Variants in TACR3 observed in about 807,000 individuals in gnomAD.
TACR3 encodes the protein neuromedin-K receptor.
A neutral mutation model predicts 35.0 loss-of-function variants in TACR3; 34 were observed. The ratio of observed to expected loss-of-function variants is 0.97; its 90% CI spans 0.74 to 1.30. TACR3 has a LOEUF of 1.30. Among genes scored for constraint, TACR3 ranks in the 50% most tolerant of loss-of-function variants. The pLI is 0.00. For missense variants in TACR3, 558 were observed against 591.7 expected, an observed-to-expected ratio of 0.94 and a Z score of 0.59; for synonymous variants, 233 against 221.1, an observed-to-expected ratio of 1.05 and a Z score of -0.48.
At chr4:103,653,023 C>G (rs1373872099) in intron 3 of TACR3, among the ~76,000 whole-genome samples, 3 of 151,794 alleles carry the variant, frequency 2.0e-5, no homozygotes, top group African/African-American at 7.3e-5. Flanking sequence ...CATATTAGTG[C>G]CTAGATATCA....
At chr4:103,645,562 A>T (rs986978704) in intron 3 of TACR3, among the ~76,000 whole-genome samples, 11 of 152,000 alleles carry the variant, frequency 7.2e-5, no homozygotes, top group Non-Finnish European at 1.3e-4. Flanking sequence ...TTTATCTTTA[A>T]TGTAATTATC....
At chr4:103,664,370 A>C (rs1725894470) in intron 1 of TACR3, among the ~76,000 whole-genome samples, 1 of 152,196 alleles carries the variant, frequency 6.6e-6, no homozygotes, top group East Asian at 1.9e-4. Flanking sequence ...TGTATCTATT[A>C]TAATTCTTCC....
chr4:103,705,641 G>A (rs1053677733), intron 1 of TACR3, among the ~76,000 whole-genome samples: 2 of 152,142 alleles, frequency 1.3e-5, no homozygotes, highest in African/African-American at 4.8e-5. Context: ...TATATTGGGA[G>A]CATCATGGAA....
chr4:103,629,868 A>AAAAAAAAAAAAAAAAC (rs1560814059), intron 3 of TACR3, among the ~76,000 whole-genome samples: 1 of 109,710 alleles, frequency 9.1e-6, no homozygotes, highest in Non-Finnish European at 2.1e-5. Flanking sequence ...AAACAAAAAA[A>AAAAAAAAAAAAAAAAC]AAACAAAAAA....
intron 3 of TACR3, among the ~76,000 whole-genome samples, chr4:103,614,298 ATATC>A (rs1432210846): frequency 4.6e-5 from 7 of 152,318 alleles, no homozygotes; most frequent in Admixed American, 3.3e-4. Flanking sequence ...TATTCAAGGA[ATATC>A]TATCATCTTG....
intron 1 of TACR3, among the ~76,000 whole-genome samples, chr4:103,670,348 TAAAC>T (rs3053027): frequency 0.051 from 7,800 of 152,086 alleles, 691 homozygotes; most frequent in African/African-American, 0.18. Flanking sequence ...TTTTAGGACT[TAAAC>T]AAATTTTCTA....
chr4:103,588,388 C>T lies in TACR3; in HGVS notation c.*1294G>A, dbSNP rs1435528962. On this transcript the variant is annotated 3_prime_UTR_variant, in exon 5 of 5. Coordinates refer to ENST00000304883, the MANE Select transcript of TACR3 (RefSeq NM_001059.3). ...GAAAGATGATCTGTAAGCACTGAGG[C>T]CTGGATGTTACTTTTTACACTTAAA... 1 of 151,970 alleles carries T rather than the reference C, an allele frequency of 6.6e-6. No homozygotes were observed. Among genetic ancestry groups the T allele is most frequent in the African/African-American group, 2.4e-5 (1 of 41,404 alleles). The allele number at this position is 151,970 out of a possible 1,614,324, so 9.4% of individuals were successfully genotyped here.
chr4:103,590,021 A>G, intron 4 of TACR3, 27 bp from the exon 5 acceptor site: 1 of 1,607,070 alleles, frequency 6.2e-7, no homozygotes. Flanking sequence ...CACAGAAAGA[A>G]AAAGTTATTT....
intron 3 of TACR3, among the ~76,000 whole-genome samples, chr4:103,633,148 C>T (rs1216276035): frequency 6.6e-6 from 1 of 152,014 alleles, no homozygotes; most frequent in East Asian, 1.9e-4. Context: ...TGGACACACC[C>T]TCTAAGCCTT....
At chr4:103,627,297 C>T (rs1724916436) in intron 3 of TACR3, among the ~76,000 whole-genome samples, 1 of 142,852 alleles carries the variant, frequency 7.0e-6, no homozygotes. Context: ...GATGGATCAC[C>T]TGAGGTCAGG....
At chr4:103,648,639 A>G (rs1354704412) in intron 3 of TACR3, among the ~76,000 whole-genome samples, 4 of 152,114 alleles carry the variant, frequency 2.6e-5, no homozygotes, top group African/African-American at 9.7e-5. Flanking sequence ...ATGGCTGAAA[A>G]GTACTCCATT....
chr4:103,610,181 G>T, intron 3 of TACR3, among the ~76,000 whole-genome samples: 1 of 151,880 alleles, frequency 6.6e-6, no homozygotes. Context: ...TTAATTTTTT[G>T]AGGAACTTCC....
chr4:103,701,772 CA>C lies in TACR3; in HGVS notation c.548+17355del, dbSNP rs1274089225. On this transcript the variant is annotated intron_variant, in intron 1 of 4. Coordinates refer to ENST00000304883, the MANE Select transcript of TACR3 (RefSeq NM_001059.3). ...ATATCTACAACTATCTGATCTTTGA[CA>C]AACCTGACAAAAACAAGAAATGGGG... 2.0e-5 allele frequency among the ~76,000 whole-genome samples: 3 copies of C among 148,202 alleles called. No homozygotes were observed. The East Asian group carries it at 6.0e-4, about 29-fold the overall frequency.
intron 3 of TACR3, among the ~76,000 whole-genome samples, chr4:103,614,043 G>A (rs1472625182): frequency 1.3e-5 from 2 of 151,988 alleles, no homozygotes; most frequent in Admixed American, 6.6e-5. Flanking sequence ...TTACACACAC[G>A]GTTATAATGG....
chr4:103,642,989 A>G (rs997764438), intron 3 of TACR3, among the ~76,000 whole-genome samples: 3 of 151,804 alleles, frequency 2.0e-5, no homozygotes, highest in Admixed American at 2.0e-4. Context: ...GTGAATTTCT[A>G]TGTTTGTTAA....
At chr4:103,671,538 T>C (rs999275688) in intron 1 of TACR3, among the ~76,000 whole-genome samples, 3 of 152,032 alleles carry the variant, frequency 2.0e-5, no homozygotes, top group Admixed American at 6.6e-5. Flanking sequence ...ATTCAAGAAT[T>C]TATCCTTTTC....
chr4:103,621,679 G>T (rs1231811103), intron 3 of TACR3, among the ~76,000 whole-genome samples: 1 of 152,118 alleles, frequency 6.6e-6, no homozygotes, highest in Non-Finnish European at 1.5e-5. Context: ...TTTTTGTCTG[G>T]ACCACTGTAC....
rs115286710 is a variant in TACR3, at chr4:103,682,223, C to T, written c.549-23820G>A. On this transcript the variant is annotated intron_variant, in intron 1 of 4. Coordinates refer to ENST00000304883, the MANE Select transcript of TACR3 (RefSeq NM_001059.3). ...CATGGCTTATGGCCACCTCAAACTC[C>T]TAGGCTCAAGTGATCCTTCCACCTC... Among the ~76,000 whole-genome samples, 1,236 of 152,254 alleles carry T rather than the reference C, an allele frequency of 8.1e-3. 20 individuals carry two copies. Among genetic ancestry groups the T allele is most frequent in the African/African-American group, 0.028 (1,183 of 41,556 alleles).
chr4:103,699,090 AC>A (rs1438212860), intron 1 of TACR3, among the ~76,000 whole-genome samples: 1 of 152,202 alleles, frequency 6.6e-6, no homozygotes, highest in Middle Eastern at 3.2e-3. Flanking sequence ...CACAAGTCAA[AC>A]CTTGTTTTCA....
Sources: allele counts gnomAD v4.1 joint callset (sites outside exome capture counted in the v4.1 genomes callset), GRCh38; gene constraint gnomAD v4.1.1; transcripts MANE v1.5; gene names NCBI Gene and HGNC (gene_info 2026-07-23, HGNC 2026-07-21).